Variants in CCDC24 observed in about 807,000 individuals in gnomAD.
The protein encoded by CCDC24 is coiled-coil domain containing 24.
A neutral mutation model predicts 31.6 loss-of-function variants in CCDC24; 34 were observed. The ratio of observed to expected loss-of-function variants is 1.08; its 90% CI spans 0.82 to 1.43. CCDC24 has a LOEUF of 1.43. CCDC24 is among the 40% of genes most tolerant of loss of function. CCDC24 has a pLI of 0.00. For missense variants in CCDC24, 426 were observed against 391.1 expected, an observed-to-expected ratio of 1.09 and a Z score of -0.75; for synonymous variants, 175 against 157.3, an observed-to-expected ratio of 1.11 and a Z score of -0.84.
In CCDC24 at chr1:43,995,892, T is replaced by C. The variant is rs772196322; in HGVS notation, c.701+36T>C. ...ACAGTAGACACAGGGCAGGGTGGAC[T>C]GAAGGATCAGACCACCACCCCTCAC... On this transcript the variant is annotated intron_variant, in intron 8 of 8. Transcript: ENST00000372318. This position sits in a 1 kb window ranked among gnomAD's most constrained non-coding sequence, Gnocchi z 4.3. 4.3e-6 allele frequency: 7 copies of C among 1,613,940 alleles called. No homozygotes were observed. In the African/African-American group the frequency reaches 6.7e-5, roughly 15 times the overall value.
Sources: allele counts gnomAD v4.1 joint callset, GRCh38; gene constraint gnomAD v4.1.1; non-coding constraint Gnocchi (gnomAD v3.1); transcripts MANE v1.5; gene names NCBI Gene and HGNC (gene_info 2026-07-23, HGNC 2026-07-21).